Variants in BRINP3 observed in about 807,000 individuals in gnomAD.
BRINP3 encodes BMP/retinoic acid-inducible neural-specific protein 3.
BRINP3 carries 19 observed loss-of-function variants against 71.0 expected under a neutral mutation model. That is an observed-to-expected ratio of 0.27 (90% confidence interval 0.19 to 0.39). The LOEUF (loss-of-function observed/expected upper bound fraction) is 0.39, where lower values mean the gene tolerates loss of function less well. BRINP3 is among the 10% of genes least tolerant of loss of function. BRINP3 has a pLI of 1.00. For synonymous variants in BRINP3, 380 were observed against 337.7 expected (o/e 1.13, Z -1.37); for missense variants, 959 against 940.8 (o/e 1.02, Z -0.25).
At chr1:190,161,812 G>GA (rs1393340740) in intron 6 of BRINP3, among the ~76,000 whole-genome samples, 1 of 152,044 alleles carries the variant, frequency 6.6e-6, no homozygotes, top group Non-Finnish European at 1.5e-5. Context: ...CCATAACAAT[G>GA]AATAAAGTTC....
At chr1:190,236,704 T>C (rs550230383) in intron 4 of BRINP3, among the ~76,000 whole-genome samples, 1 of 152,090 alleles carries the variant, frequency 6.6e-6, no homozygotes, top group South Asian at 2.1e-4. Context: ...TAATGTATAG[T>C]GTTGATATGA....
chr1:190,279,400 C>A (rs184205822), intron 3 of BRINP3, among the ~76,000 whole-genome samples: 8 of 151,924 alleles, frequency 5.3e-5, no homozygotes, highest in Admixed American at 4.6e-4. Context: ...TATGTCCCAT[C>A]ACATAGGTGT....
intron 6 of BRINP3, among the ~76,000 whole-genome samples, chr1:190,175,821 C>A (rs1652455363): frequency 6.6e-6 from 1 of 152,064 alleles, no homozygotes; most frequent in African/African-American, 2.4e-5. Flanking sequence ...GCTGCAGTAA[C>A]AAAACACCCC....
chr1:190,195,682 T>A (rs773190346), intron 6 of BRINP3, among the ~76,000 whole-genome samples: 1 of 152,104 alleles, frequency 6.6e-6, no homozygotes. Context: ...TCTAATGTGA[T>A]CTAAATTGGC....
chr1:190,226,645 T>C (rs1381224707), intron 5 of BRINP3, among the ~76,000 whole-genome samples: 5 of 151,960 alleles, frequency 3.3e-5, no homozygotes, highest in African/African-American at 1.2e-4. Context: ...TTCTAAACCT[T>C]TGAAAATACA....
chr1:190,452,952 C>T (rs1178216140), intron 2 of BRINP3, among the ~76,000 whole-genome samples: 2 of 152,116 alleles, frequency 1.3e-5, no homozygotes, highest in Non-Finnish European at 2.9e-5. Context: ...AAGACAGCAC[C>T]TTAGACCTCC....
intron 3 of BRINP3, among the ~76,000 whole-genome samples, chr1:190,269,235 A>G (rs1661903325): frequency 6.6e-6 from 1 of 152,126 alleles, no homozygotes; most frequent in Non-Finnish European, 1.5e-5. Flanking sequence ...AGTGACACCT[A>G]AATAGCAATT....
At chr1:190,307,945 A>G (rs1372900005) in intron 2 of BRINP3, among the ~76,000 whole-genome samples, 2 of 152,040 alleles carry the variant, frequency 1.3e-5, no homozygotes, top group Non-Finnish European at 2.9e-5. Context: ...GCTAAGTCAT[A>G]GGAATGTGAA....
chr1:190,234,063 G>A, intron 5 of BRINP3, among the ~76,000 whole-genome samples: 1 of 151,988 alleles, frequency 6.6e-6, no homozygotes, highest in South Asian at 2.1e-4. Context: ...CAAAGCTCAG[G>A]CAAGCATATG....
Position 190,177,908 on chromosome 1 carries a change from A to G in BRINP3, c.962-17018T>C, listed in dbSNP as rs532328898. On this transcript the variant is annotated intron_variant, in intron 6 of 7. Coordinates refer to ENST00000367462, the MANE Select transcript of BRINP3 (RefSeq NM_199051.3). ...GTTGCATCTGTACTGTACATGTACA[A>G]ACTTTTTTCTTGTCATTATTCCTAT... Among the ~76,000 whole-genome samples the G allele has an allele frequency of 1.2e-4, 18 of 152,316 alleles. No individual in the cohort carries two copies. In the South Asian group the frequency reaches 3.7e-3, roughly 32 times the overall value.
At chr1:190,126,630 A>T (rs1400257104) in intron 7 of BRINP3, among the ~76,000 whole-genome samples, 1 of 151,820 alleles carries the variant, frequency 6.6e-6, no homozygotes, top group Non-Finnish European at 1.5e-5. Context: ...TCAGATCTAC[A>T]TTGGCCAGCT....
chr1:190,296,081 G>T (rs1328215173), intron 2 of BRINP3, among the ~76,000 whole-genome samples: 5 of 148,862 alleles, frequency 3.4e-5, no homozygotes, highest in Admixed American at 2.7e-4. Context: ...TTTTTTGGGG[G>T]GGGGCTGGGC....
At chr1:190,270,622 T>G (rs545326003) in intron 3 of BRINP3, among the ~76,000 whole-genome samples, 50 of 151,842 alleles carry the variant, frequency 3.3e-4, no homozygotes, top group Non-Finnish European at 5.2e-4. Flanking sequence ...TGTACAAATA[T>G]CTCTATTTTG....
intron 6 of BRINP3, among the ~76,000 whole-genome samples, chr1:190,214,724 G>A (rs1329971961): frequency 6.6e-6 from 1 of 151,900 alleles, no homozygotes; most frequent in Non-Finnish European, 1.5e-5. Context: ...AGAAGACATA[G>A]CAAAACTCAC....
At chr1:190,119,269 T>C (rs996880137) in intron 7 of BRINP3, among the ~76,000 whole-genome samples, 2 of 107,380 alleles carry the variant, frequency 1.9e-5, no homozygotes, top group South Asian at 5.7e-4. Flanking sequence ...CATTTTATTT[T>C]TATTTTATTA....
At chr1:190,348,635 C>T (rs917767038) in intron 2 of BRINP3, among the ~76,000 whole-genome samples, 1 of 152,006 alleles carries the variant, frequency 6.6e-6, no homozygotes, top group African/African-American at 2.4e-5. Context: ...TCTAAATGAC[C>T]CTGGAAATAT....
chr1:190,301,138 T>C lies in BRINP3; in HGVS notation c.237-19388A>G, dbSNP rs1009307647. Reference sequence around the variant, plus strand: ...TTTTATTGATGGCTTTACATACATATATATATACACACATACATATATATA... The same window carrying C: ...TTTTATTGATGGCTTTACATACATACATATATACACACATACATATATATA... On this transcript the variant is annotated intron_variant, in intron 2 of 7. Transcript: ENST00000367462. Among the ~76,000 whole-genome samples the C allele has an allele frequency of 9.5e-4, 139 of 146,400 alleles. 2 individuals carry two copies. The highest frequency in any genetic ancestry group is 1.8e-4 in the Non-Finnish European group (12 of 67,046).
chr1:190,315,534 A>C (rs1397084945), intron 2 of BRINP3, among the ~76,000 whole-genome samples: 1 of 152,178 alleles, frequency 6.6e-6, no homozygotes, highest in Non-Finnish European at 1.5e-5. Context: ...TTCAGCATGC[A>C]TAATATTTTT....
At chr1:190,169,455 G>A (rs1651826642) in intron 6 of BRINP3, among the ~76,000 whole-genome samples, 1 of 152,160 alleles carries the variant, frequency 6.6e-6, no homozygotes, top group Non-Finnish European at 1.5e-5. Flanking sequence ...CATAGCATCT[G>A]AGCCAGCATC....
Sources: allele counts gnomAD v4.1 joint callset (sites outside exome capture counted in the v4.1 genomes callset), GRCh38; gene constraint gnomAD v4.1.1; transcripts MANE v1.5; gene names NCBI Gene and HGNC (gene_info 2026-07-23, HGNC 2026-07-21).